AKAP13: variants seen among roughly 807,000 people sequenced by gnomAD.
The protein encoded by AKAP13 is A-kinase anchor protein 13.
AKAP13 carries 80 observed loss-of-function variants against 264.5 expected under a neutral mutation model. The observed-to-expected ratio is 0.30, with a 90% CI of 0.25 to 0.36. AKAP13 has a LOEUF of 0.36. Among genes scored for constraint, AKAP13 ranks in the 10% least tolerant of loss-of-function variants. AKAP13 has a pLI of 1.00. For synonymous variants in AKAP13, 1,380 were observed against 1,250.2 expected (o/e 1.10, Z -2.19); for missense variants, 3,712 against 3,435.2 (o/e 1.08, Z -2.01).
chr15:85,592,162 G>T (rs1216039696), intron 8 of AKAP13, among the ~76,000 whole-genome samples: 2 of 150,212 alleles, frequency 1.3e-5, no homozygotes, highest in Non-Finnish European at 2.9e-5. Flanking sequence ...ACTGTAGTAA[G>T]GGCATTGTTG....
At position 85,722,226 on chromosome 15, in the gene AKAP13, G is replaced by A. The variant is rs547187237; in HGVS notation, c.6379-4G>A. The A allele has an allele frequency of 2.5e-6, 4 of 1,612,296 alleles. No homozygotes were observed. In the South Asian group the frequency reaches 4.4e-5, roughly 18 times the overall value. On this transcript the variant is annotated splice_polypyrimidine_tract_variant and splice_region_variant and intron_variant, in intron 24 of 36. Transcript: ENST00000394518. Reference sequence around the variant, plus strand: ...TTCCTCACAGTCTGTTTACTCCCTTGCAGAAGAAGATGAGCAGTTCAGTTG... The same window carrying A: ...TTCCTCACAGTCTGTTTACTCCCTTACAGAAGAAGATGAGCAGTTCAGTTG...
intron 35 of AKAP13, among the ~76,000 whole-genome samples, chr15:85,742,778 CGTTT>C (rs1297135822): frequency 2.0e-5 from 3 of 152,112 alleles, no homozygotes; most frequent in East Asian, 3.9e-4. Context: ...ACCATGTTGC[CGTTT>C]GTTTGATTGA....
intron 17 of AKAP13, among the ~76,000 whole-genome samples, chr15:85,698,823 A>C (rs757945927): frequency 7.3e-5 from 11 of 151,470 alleles, no homozygotes; most frequent in Non-Finnish European, 1.3e-4. Context: ...GCACGCCTGT[A>C]ATCCCAGCTA....
At chr15:85,433,141 T>G (rs1416745296) in intron 1 of AKAP13, among the ~76,000 whole-genome samples, 1 of 135,154 alleles carries the variant, frequency 7.4e-6, no homozygotes, top group South Asian at 2.3e-4. Context: ...TTTTTTTTTT[T>G]GGAGTACTGT....
At chr15:85,698,464 C>CAAAAA (rs1485034953) in intron 17 of AKAP13, among the ~76,000 whole-genome samples, 1 of 25,124 alleles carries the variant, frequency 4.0e-5, no homozygotes. Flanking sequence ...GACTCTGTCT[C>CAAAAA]CAAAAAAAAA....
intron 33 of AKAP13, among the ~76,000 whole-genome samples, chr15:85,738,832 G>T (rs1017651083): frequency 7.6e-6 from 1 of 131,786 alleles, no homozygotes; most frequent in Non-Finnish European, 1.6e-5. Context: ...GCGACAGAGC[G>T]AGACTCCGTC....
In AKAP13 at chr15:85,715,887, C is replaced by T. The variant is rs371321602; in HGVS notation, c.5699C>T (p.Ser1900Leu). Reference sequence around the variant, plus strand: ...AATAGACGATCCCAGCAGAGTGTCTCGCTCTCCAAAAGTGTCTCCATACAG... The same window carrying T: ...AATAGACGATCCCAGCAGAGTGTCTTGCTCTCCAAAAGTGTCTCCATACAG... The part of the protein sequence containing the change: ...FANRRSQQSV[S>L]LSKSVSIQNI... Residue 1900 changes from serine to leucine, a missense_variant, in exon 20 of 37, where the codon TCG becomes TTG. By Grantham distance (145) the Ser-to-Leu change is moderately radical. Coordinates refer to ENST00000394518, the MANE Select transcript of AKAP13 (RefSeq NM_007200.5). 18 of 1,612,822 alleles carry T rather than the reference C, an allele frequency of 1.1e-5. No individual in the cohort carries two copies. The East Asian group carries it at 2.2e-4, about 20-fold the overall frequency.
At chr15:85,658,471 G>T in intron 11 of AKAP13, 66 bp from the exon 12 acceptor site, 1 of 1,413,874 alleles carries the variant, frequency 7.1e-7, no homozygotes, top group Non-Finnish European at 1.0e-6. Context: ...GTGTCTGTAT[G>T]TTTCATGCAT....
intron 1 of AKAP13, among the ~76,000 whole-genome samples, chr15:85,477,307 T>G (rs896018963): frequency 1.3e-5 from 2 of 151,732 alleles, no homozygotes; most frequent in East Asian, 3.9e-4. Context: ...ACAGGCACAT[T>G]GGCAGTGAGT....
intron 5 of AKAP13, among the ~76,000 whole-genome samples, chr15:85,558,118 A>G (rs530625106): frequency 6.6e-6 from 1 of 152,314 alleles, no homozygotes; most frequent in East Asian, 1.9e-4. Flanking sequence ...TGATGAATTG[A>G]AAAGTTAAAA....
intron 1 of AKAP13, among the ~76,000 whole-genome samples, chr15:85,403,721 A>G (rs1304696608): frequency 6.6e-6 from 1 of 151,802 alleles, no homozygotes; most frequent in Non-Finnish European, 1.5e-5. Flanking sequence ...CATGTCTGTA[A>G]TCCCAGCTAC....
intron 9 of AKAP13, among the ~76,000 whole-genome samples, chr15:85,641,539 G>T (rs1413070498): frequency 6.6e-6 from 1 of 151,158 alleles, no homozygotes. Context: ...AGGCTGGAAT[G>T]CAGTGGCACA....
chr15:85,726,988 T>C (rs1228587943), intron 27 of AKAP13, 78 bp from the exon 28 acceptor site: 2 of 1,529,648 alleles, frequency 1.3e-6, no homozygotes, highest in African/African-American at 2.7e-5. Context: ...GCATCTGGTC[T>C]TACCTTAGAT....
In AKAP13 at chr15:85,601,608, TTGTGTGTGTG is replaced by T. The variant is rs10574160; in HGVS notation, c.4161+15817_4161+15826del. Among the ~76,000 whole-genome samples the T allele has an allele frequency of 1.7e-3, 220 of 132,080 alleles. 1 individual carries two copies. The highest frequency in any genetic ancestry group is 8.1e-3 in the Middle Eastern group (2 of 248). 86.6% of individuals were successfully genotyped at this position (132,080 alleles called of 152,430 possible). A position where few individuals can be genotyped will look rare whatever the true frequency, so the allele number is the denominator to read the frequency against. ...TCTCATCTTCTCTCACCTGAATTCT[TTGTGTGTGTG>T]TGTGTGTGTGTGTGTGTGTGTGTGT... On this transcript the variant is annotated intron_variant, in intron 8 of 36. Transcript: ENST00000394518.
At chr15:85,422,010 A>C (rs910115382) in intron 1 of AKAP13, among the ~76,000 whole-genome samples, 3 of 152,132 alleles carry the variant, frequency 2.0e-5, no homozygotes, top group Non-Finnish European at 2.9e-5. Flanking sequence ...CAGCATTCCA[A>C]AGGTCTTTGT....
intron 17 of AKAP13, among the ~76,000 whole-genome samples, chr15:85,699,664 T>C (rs1044467006): frequency 1.3e-5 from 2 of 152,210 alleles, no homozygotes; most frequent in African/African-American, 4.8e-5. Flanking sequence ...AAGGTTTTTC[T>C]AGTTATTTAT....
chr15:85,483,640 A>ACAACAAC (rs1555434083), intron 1 of AKAP13, among the ~76,000 whole-genome samples: 19 of 147,168 alleles, frequency 1.3e-4, no homozygotes, highest in African/African-American at 4.8e-4. Flanking sequence ...CTCAAAAAAA[A>ACAACAAC]AAAAAAAAAA....
At chr15:85,527,224 C>A (rs764971253) in intron 3 of AKAP13, among the ~76,000 whole-genome samples, 13 of 152,200 alleles carry the variant, frequency 8.5e-5, no homozygotes, top group South Asian at 6.2e-4. Context: ...TGGCCTCCCA[C>A]AGTGCTGGGA....
Position 85,741,508 on chromosome 15 carries a change from C to T in AKAP13, c.8058+13C>T. The T allele has an allele frequency of 6.4e-7, 1 of 1,561,982 alleles. No homozygotes were observed. Among genetic ancestry groups the T allele is most frequent in the Non-Finnish European group, 8.7e-7 (1 of 1,151,408 alleles). ...GGACCTGTGTCAGGTAATGGGACTC[C>T]CTGCCGAGAGCAACCTAATGATGAT... On this transcript the variant is annotated intron_variant, in intron 35 of 36. Coordinates refer to ENST00000394518, the MANE Select transcript of AKAP13 (RefSeq NM_007200.5).
Sources: allele counts gnomAD v4.1 joint callset (sites outside exome capture counted in the v4.1 genomes callset), GRCh38; gene constraint gnomAD v4.1.1; transcripts MANE v1.5; gene names NCBI Gene and HGNC (gene_info 2026-07-23, HGNC 2026-07-21).